The following CSGALNACT1 variants were observed in gnomAD, a reference collection of about 807,000 sequenced individuals.
CSGALNACT1 encodes the protein chondroitin sulfate N-acetylgalactosaminyltransferase 1.
A neutral mutation model predicts 51.0 loss-of-function variants in CSGALNACT1; 52 were observed. The observed-to-expected ratio is 1.02, with a 90% confidence interval of 0.82 to 1.29. The LOEUF (loss-of-function observed/expected upper bound fraction) is 1.29, where lower values mean the gene tolerates loss of function less well. CSGALNACT1 is among the 50% of genes most tolerant of loss of function. The pLI is 0.00. For missense variants in CSGALNACT1, 935 were observed against 679.2 expected (o/e 1.38, Z -4.19); for synonymous variants, 341 against 254.4 (o/e 1.34, Z -3.24).
intron 3 of CSGALNACT1, among the ~76,000 whole-genome samples, chr8:19,557,265 G>T (rs2039675879): frequency 6.6e-6 from 1 of 152,124 alleles, no homozygotes; most frequent in African/African-American, 2.4e-5. Context: ...CCTTGTCCTT[G>T]ATCTCTTGCC....
At chr8:19,455,878 C>T (rs978852630) in intron 5 of CSGALNACT1, among the ~76,000 whole-genome samples, 6 of 152,228 alleles carry the variant, frequency 3.9e-5, no homozygotes, top group East Asian at 1.9e-4. Context: ...TTCTGATCCC[C>T]TGCACCTTGG....
At chr8:19,562,307 T>A (rs973294695) in intron 3 of CSGALNACT1, among the ~76,000 whole-genome samples, 1 of 152,350 alleles carries the variant, frequency 6.6e-6, no homozygotes, top group East Asian at 1.9e-4. Flanking sequence ...AGAAGTCATT[T>A]TGAAGTGCCC....
At chr8:19,752,141 G>GGT (rs1563227816) in intron 1 of CSGALNACT1, among the ~76,000 whole-genome samples, 1 of 48,710 alleles carries the variant, frequency 2.1e-5, no homozygotes, top group Non-Finnish European at 4.0e-5. Flanking sequence ...TATATTATAT[G>GGT]ATATTATATG....
chr8:19,496,227 G>C (rs745883053), intron 4 of CSGALNACT1, among the ~76,000 whole-genome samples: 1 of 152,164 alleles, frequency 6.6e-6, no homozygotes, highest in African/African-American at 2.4e-5. Flanking sequence ...GTAAAAGATA[G>C]GGTTTTTAAA....
chr8:19,434,115 T>A (rs564242414), intron 6 of CSGALNACT1, among the ~76,000 whole-genome samples: 14 of 152,226 alleles, frequency 9.2e-5, no homozygotes, highest in Non-Finnish European at 1.6e-4. Flanking sequence ...GGTTAATTTT[T>A]AGAGTTCTGA....
At chr8:19,693,153 T>C (rs1388591218) in intron 1 of CSGALNACT1, among the ~76,000 whole-genome samples, 5 of 152,176 alleles carry the variant, frequency 3.3e-5, no homozygotes, top group Admixed American at 1.3e-4. Context: ...ATTTGCCAAC[T>C]GGCTCCAGCT....
At chr8:19,544,714 T>C (rs1228176833) in intron 3 of CSGALNACT1, among the ~76,000 whole-genome samples, 1 of 152,164 alleles carries the variant, frequency 6.6e-6, no homozygotes, top group East Asian at 1.9e-4. Flanking sequence ...ATTCCAGGGG[T>C]GAATTAATAA....
intron 1 of CSGALNACT1, among the ~76,000 whole-genome samples, chr8:19,730,936 C>T (rs531997179): frequency 6.3e-4 from 96 of 152,246 alleles, no homozygotes; most frequent in Non-Finnish European, 9.3e-4. Flanking sequence ...CTTCATGCCA[C>T]GAGGACAGCT....
At chr8:19,544,185 G>A (rs1316731448) in intron 3 of CSGALNACT1, among the ~76,000 whole-genome samples, 3 of 152,098 alleles carry the variant, frequency 2.0e-5, no homozygotes, top group African/African-American at 7.2e-5. Context: ...GACAGAGCCT[G>A]AATAACAAAT....
chr8:19,728,911 A>T (rs1449210322), intron 1 of CSGALNACT1, among the ~76,000 whole-genome samples: 1 of 152,152 alleles, frequency 6.6e-6, no homozygotes, highest in Non-Finnish European at 1.5e-5. Flanking sequence ...TCCTTCAAGC[A>T]GGCAGTCTGA....
intron 3 of CSGALNACT1, among the ~76,000 whole-genome samples, chr8:19,576,987 G>A (rs2044374654): frequency 1.3e-5 from 2 of 151,868 alleles, no homozygotes; most frequent in Non-Finnish European, 2.9e-5. Flanking sequence ...CAAATTACAT[G>A]AGCAACCCTC....
chr8:19,438,693 G>A (rs1299469793), intron 6 of CSGALNACT1, among the ~76,000 whole-genome samples: 1 of 152,160 alleles, frequency 6.6e-6, no homozygotes, highest in African/African-American at 2.4e-5. Context: ...CAAATAATAT[G>A]TAAACAAACG....
chr8:19,432,329 T>C (rs1340500120), intron 6 of CSGALNACT1, among the ~76,000 whole-genome samples: 1 of 152,216 alleles, frequency 6.6e-6, no homozygotes, highest in Non-Finnish European at 1.5e-5. Context: ...ATTAATCTTA[T>C]CAAGGATCCA....
At chr8:19,516,028 A>C (rs1471330330) in intron 3 of CSGALNACT1, among the ~76,000 whole-genome samples, 1 of 152,082 alleles carries the variant, frequency 6.6e-6, no homozygotes, top group Non-Finnish European at 1.5e-5. Flanking sequence ...CCGCAAGGAG[A>C]CCTGACTCCC....
intron 1 of CSGALNACT1, among the ~76,000 whole-genome samples, chr8:19,669,839 A>T (rs2059654002): frequency 6.6e-6 from 1 of 152,172 alleles, no homozygotes; most frequent in African/African-American, 2.4e-5. Flanking sequence ...TGCTGAAAAC[A>T]GCTTATTGCA....
chr8:19,518,673 T>C (rs1266263892), intron 3 of CSGALNACT1, among the ~76,000 whole-genome samples: 1 of 152,208 alleles, frequency 6.6e-6, no homozygotes, highest in Non-Finnish European at 1.5e-5. Context: ...AAACTCCTCA[T>C]GTGTGTCCGT....
Position 19,492,254 on chromosome 8 carries a change from A to C in CSGALNACT1, c.634+12947T>G, listed in dbSNP as rs142175523. Among the ~76,000 whole-genome samples the C allele has an allele frequency of 2.7e-3, 412 of 152,326 alleles. 3 individuals are homozygous for C. Among genetic ancestry groups the C allele is most frequent in the African/African-American group, 9.4e-3 (390 of 41,590 alleles). The stretch of plus-strand genomic sequence containing the variant: ...CCCTCACAATGAGATCAACCAGCAT[A>C]CTGCTAGGCTATGCCTGGGACATAG... On this transcript the variant is annotated intron_variant, in intron 4 of 9. Coordinates refer to ENST00000454498, the Ensembl canonical transcript of CSGALNACT1.
At chr8:19,671,655 G>C (rs1325749798) in intron 1 of CSGALNACT1, among the ~76,000 whole-genome samples, 1 of 152,112 alleles carries the variant, frequency 6.6e-6, no homozygotes, top group Non-Finnish European at 1.5e-5. Context: ...CATTGATAAA[G>C]ACAAGTAAAT....
rs57708862 is a variant in CSGALNACT1 at position 19,493,871 on chromosome 8, T to TACAC, written c.634+11326_634+11329dup. Among the ~76,000 whole-genome samples the TACAC allele has an allele frequency of 3.3e-3, 490 of 149,100 alleles. 5 individuals are homozygous for TACAC. The South Asian group carries it at 0.043, about 13-fold the overall frequency. ...CAGTATATATACGTATGTGTGTTTA[T>TACAC]ACACACACACACACACACACACACA... On this transcript the variant is annotated intron_variant, in intron 4 of 9. Coordinates refer to ENST00000454498, the Ensembl canonical transcript of CSGALNACT1.
Sources: gnomAD v4.1 joint callset for allele counts (sites outside exome capture counted in the v4.1 genomes callset) on GRCh38, gnomAD v4.1.1 for gene constraint, MANE v1.5 for transcripts, NCBI Gene and HGNC (gene_info 2026-07-23, HGNC 2026-07-21) for gene names.